CDH13: variants seen among roughly 807,000 people sequenced by gnomAD.
CDH13 encodes the protein cadherin-13.
A neutral mutation model predicts 63.8 loss-of-function variants in CDH13; 24 were observed. That is an observed-to-expected ratio of 0.38 (90% CI 0.27 to 0.53). CDH13 has a LOEUF of 0.53. Among genes scored for constraint, CDH13 ranks in the 20% least tolerant of loss-of-function variants. The probability of loss-of-function intolerance (pLI) is 0.85; values close to 1 mark genes in which losing one functional copy is unlikely to be tolerated. For missense variants in CDH13, 1,049 were observed against 903.1 expected, an observed-to-expected ratio of 1.16 and a Z score of -2.07; for synonymous variants, 503 against 355.3, an observed-to-expected ratio of 1.42 and a Z score of -4.67.
intron 5 of CDH13, among the ~76,000 whole-genome samples, chr16:83,300,109 A>G (rs1208474012): frequency 2.0e-5 from 3 of 152,206 alleles, no homozygotes; most frequent in Non-Finnish European, 4.4e-5. Context: ...AAGGGAAGAG[A>G]TTACCCAAGA....
intron 4 of CDH13, among the ~76,000 whole-genome samples, chr16:83,142,300 A>G (rs2036569160): frequency 6.6e-6 from 1 of 151,516 alleles, no homozygotes. Flanking sequence ...GGCTGGAACT[A>G]CAGGTGTGTG....
intron 6 of CDH13, among the ~76,000 whole-genome samples, chr16:83,356,180 TC>T (rs1295759908): frequency 1.3e-5 from 2 of 151,736 alleles, no homozygotes; most frequent in African/African-American, 2.4e-5. Context: ...GAGAGCATTT[TC>T]TTACACAGAT....
At chr16:83,320,384 T>TGTC (rs2090196574) in intron 5 of CDH13, among the ~76,000 whole-genome samples, 2 of 152,120 alleles carry the variant, frequency 1.3e-5, no homozygotes, top group African/African-American at 4.8e-5. Context: ...AGAACAGGAC[T>TGTC]TATTGTCCCA....
chr16:83,726,323 G>A (rs1645840), intron 10 of CDH13: 105,281 of 151,980 alleles, frequency 0.69, 36,559 homozygotes, highest in East Asian at 0.82. Flanking sequence ...TGACAAGACC[G>A]GGGTGTCTGT....
chr16:83,120,763 C>CTT lies in CDH13; in HGVS notation c.367-4607_367-4606dup, dbSNP rs750711823. On this transcript the variant is annotated intron_variant, in intron 3 of 13. Transcript: ENST00000567109. ...AATACAACGCGCTCTAATTTTCTTT[C>CTT]TTTTTTTTTTTTTTTTCTGAGATGG... is the stretch of plus-strand genomic sequence containing the variant. 7.5e-4 allele frequency among the ~76,000 whole-genome samples: 45 copies of CTT among 60,222 alleles called. 4 individuals carry two copies. Among genetic ancestry groups the CTT allele is most frequent in the African/African-American group, 1.8e-3 (37 of 20,678 alleles). 39.5% of individuals were successfully genotyped at this position (60,222 alleles called of 152,430 possible).
intron 1 of CDH13, among the ~76,000 whole-genome samples, chr16:82,638,253 G>C (rs1013347749): frequency 6.6e-6 from 1 of 151,794 alleles, no homozygotes; most frequent in Non-Finnish European, 1.5e-5. Context: ...TTAGAGCCTG[G>C]GGCTGGCCTG....
Position 82,966,637 on chromosome 16 carries a change from G to C in CDH13, c.158-65373G>C, listed in dbSNP as rs1020825393. The stretch of plus-strand genomic sequence containing the variant: ...TATTTTTAACCTTTTATTTTGAAAT[G>C]AATTCAGACTTACAGGAAAGTTGCA... On this transcript the variant is annotated intron_variant, in intron 2 of 13. Transcript: ENST00000567109. Among the ~76,000 whole-genome samples the C allele has an allele frequency of 2.6e-5, 4 of 152,224 alleles. No individual in the cohort carries two copies. In the East Asian group the frequency reaches 7.7e-4, roughly 29 times the overall value.
chr16:83,295,556 C>A (rs745506065), intron 5 of CDH13, among the ~76,000 whole-genome samples: 2 of 151,948 alleles, frequency 1.3e-5, no homozygotes, highest in Non-Finnish European at 1.5e-5. Context: ...ATAAAAATGG[C>A]CAGCAGGCAT....
At chr16:82,698,727 AG>A (rs2030635164) in intron 1 of CDH13, among the ~76,000 whole-genome samples, 1 of 152,166 alleles carries the variant, frequency 6.6e-6, no homozygotes, top group African/African-American at 2.4e-5. Context: ...TCCATGGCAC[AG>A]GGGGGCGTGA....
chr16:82,742,793 T>G (rs1345158263), intron 1 of CDH13, among the ~76,000 whole-genome samples: 1 of 152,182 alleles, frequency 6.6e-6, no homozygotes, highest in East Asian at 1.9e-4. Flanking sequence ...TATTTTAAAA[T>G]AGAAACTATC....
intron 1 of CDH13, among the ~76,000 whole-genome samples, chr16:82,843,118 C>A (rs1394409032): frequency 1.3e-5 from 2 of 152,336 alleles, no homozygotes; most frequent in East Asian, 1.9e-4. Context: ...TAACTCCACC[C>A]TTAAACTTTT....
intron 5 of CDH13, among the ~76,000 whole-genome samples, chr16:83,329,557 A>G (rs1043592148): frequency 6.6e-5 from 10 of 152,144 alleles, no homozygotes; most frequent in Non-Finnish European, 1.2e-4. Flanking sequence ...AAACACACAT[A>G]AAATCGATCA....
chr16:83,411,950 G>A (rs2092133495), intron 6 of CDH13, among the ~76,000 whole-genome samples: 3 of 152,146 alleles, frequency 2.0e-5, no homozygotes, highest in Admixed American at 2.0e-4. Context: ...AGCAAATCTG[G>A]AATCCAAGCC....
intron 5 of CDH13, among the ~76,000 whole-genome samples, chr16:83,298,116 G>T (rs889801950): frequency 4.0e-5 from 6 of 151,680 alleles, no homozygotes. Flanking sequence ...AGGGGTACGT[G>T]CCTGTGGTTC....
intron 7 of CDH13, among the ~76,000 whole-genome samples, chr16:83,580,155 G>T (rs1905426279): frequency 6.6e-6 from 1 of 152,168 alleles, no homozygotes; most frequent in African/African-American, 2.4e-5. Flanking sequence ...TATCCTGGTA[G>T]CAACAGGGAG....
intron 3 of CDH13, among the ~76,000 whole-genome samples, chr16:83,100,127 G>A (rs2034404272): frequency 6.6e-6 from 1 of 152,098 alleles, no homozygotes; most frequent in Non-Finnish European, 1.5e-5. Flanking sequence ...GCTGTCTGAG[G>A]ACACACCAGG....
At chr16:83,167,499 C>CAAAAAAAAA (rs11430454) in intron 4 of CDH13, among the ~76,000 whole-genome samples, 1 of 99,532 alleles carries the variant, frequency 1.0e-5, no homozygotes, top group African/African-American at 4.0e-5. Context: ...GACCCTTTCC[C>CAAAAAAAAA]AAAAAAAAAA....
chr16:83,570,850 AT>A (rs1236348244), intron 7 of CDH13, among the ~76,000 whole-genome samples: 3 of 140,076 alleles, frequency 2.1e-5, no homozygotes, highest in Non-Finnish European at 4.6e-5. Flanking sequence ...TTTTATATAT[AT>A]AAATATAAAT....
chr16:83,737,787 C>T (rs1242694074), intron 10 of CDH13, among the ~76,000 whole-genome samples: 5 of 152,194 alleles, frequency 3.3e-5, no homozygotes, highest in African/African-American at 7.2e-5. Flanking sequence ...GCCCAACCCT[C>T]GTGGGCTATT....
Sources: allele counts gnomAD v4.1 joint callset (sites outside exome capture counted in the v4.1 genomes callset), GRCh38; gene constraint gnomAD v4.1.1; transcripts MANE v1.5; gene names NCBI Gene and HGNC (gene_info 2026-07-23, HGNC 2026-07-21).